Variants in MYO1E observed in about 807,000 individuals in gnomAD.
MYO1E encodes myosin IE, also known as unconventional myosin-Ie.
A neutral mutation model predicts 151.1 loss-of-function variants in MYO1E; 68 were observed. The ratio of observed to expected loss-of-function variants is 0.45; its 90% CI spans 0.37 to 0.55. The LOEUF is 0.55. Among genes scored for constraint, MYO1E ranks in the 20% least tolerant of loss-of-function variants. MYO1E has a pLI of 0.00. For missense variants in MYO1E, 1,363 were observed against 1,389.3 expected, an observed-to-expected ratio of 0.98 and a Z score of 0.30; for synonymous variants, 601 against 501.7, an observed-to-expected ratio of 1.20 and a Z score of -2.64.
chr15:59,260,233 C>A (rs1383529440), intron 3 of MYO1E, among the ~76,000 whole-genome samples: 1 of 152,254 alleles, frequency 6.6e-6, no homozygotes, highest in African/African-American at 2.4e-5. Flanking sequence ...GGACGCCAAG[C>A]CAGCTCTGTG....
chr15:59,237,392 T>C (rs1169356778), intron 4 of MYO1E, among the ~76,000 whole-genome samples: 1 of 152,232 alleles, frequency 6.6e-6, no homozygotes, highest in African/African-American at 2.4e-5. Context: ...GTAGCCTTCC[T>C]GCATGGGGAG....
chr15:59,319,550 C>CTTTTTTTTTTTTTT lies in MYO1E; in HGVS notation c.4-47115_4-47102dup, dbSNP rs59491381. 1.5e-3 allele frequency among the ~76,000 whole-genome samples: 95 copies of CTTTTTTTTTTTTTT among 63,694 alleles called. 4 individuals are homozygous for CTTTTTTTTTTTTTT. Among genetic ancestry groups the CTTTTTTTTTTTTTT allele is most frequent in the African/African-American group, 2.1e-3 (46 of 22,392 alleles). 41.8% of individuals were successfully genotyped at this position (63,694 alleles called of 152,430 possible). ...AAGATAGGAAAAGAAGTCAAACTAC[C>CTTTTTTTTTTTTTT]TTTTTTTTTTTTTTTTTTTTTTTTT... On this transcript the variant is annotated intron_variant, in intron 1 of 27. Transcript: ENST00000288235.
At chr15:59,200,683 T>C (rs1223646845) in intron 16 of MYO1E, among the ~76,000 whole-genome samples, 1 of 152,150 alleles carries the variant, frequency 6.6e-6, no homozygotes, top group South Asian at 2.1e-4. Flanking sequence ...AAGGGGCTAA[T>C]GGGAAAGAAT....
chr15:59,147,421 G>A (rs1426956118), intron 26 of MYO1E, among the ~76,000 whole-genome samples: 2 of 151,876 alleles, frequency 1.3e-5, no homozygotes, highest in African/African-American at 2.4e-5. Context: ...CCAACATGGC[G>A]AAACCCCGTC....
intron 16 of MYO1E, among the ~76,000 whole-genome samples, chr15:59,201,938 G>T (rs913291113): frequency 6.6e-6 from 1 of 152,140 alleles, no homozygotes; most frequent in Non-Finnish European, 1.5e-5. Flanking sequence ...GGCAAGTAAC[G>T]TTCCATAACT....
chr15:59,174,386 C>T (rs2079612623), intron 19 of MYO1E, 146 bp from the exon 20 acceptor site: 5 of 688,952 alleles, frequency 7.3e-6, no homozygotes, highest in South Asian at 1.6e-5. Flanking sequence ...ATATGTGAAA[C>T]GCTTACTGTG....
At chr15:59,308,506 T>C (rs1424327221) in intron 1 of MYO1E, among the ~76,000 whole-genome samples, 1 of 151,104 alleles carries the variant, frequency 6.6e-6, no homozygotes, top group African/African-American at 2.4e-5. Flanking sequence ...ACCCCGTCTC[T>C]ACTAAAAATA....
At chr15:59,218,892 A>G (rs1248568533) in intron 9 of MYO1E, among the ~76,000 whole-genome samples, 1 of 152,226 alleles carries the variant, frequency 6.6e-6, no homozygotes, top group African/African-American at 2.4e-5. Context: ...GAGACGGTCT[A>G]CAGTGTGTGG....
At chr15:59,279,167 C>T (rs900396096) in intron 1 of MYO1E, among the ~76,000 whole-genome samples, 5 of 152,120 alleles carry the variant, frequency 3.3e-5, no homozygotes, top group African/African-American at 1.2e-4. Context: ...CTTTTCTCTG[C>T]TCTTTCTGCG....
At chr15:59,305,965 A>G (rs1323803926) in intron 1 of MYO1E, among the ~76,000 whole-genome samples, 1 of 152,170 alleles carries the variant, frequency 6.6e-6, no homozygotes, top group Non-Finnish European at 1.5e-5. Flanking sequence ...CTGCAGAGCT[A>G]CACAGCAGCC....
At chr15:59,313,812 G>C (rs1350286402) in intron 1 of MYO1E, among the ~76,000 whole-genome samples, 1 of 152,324 alleles carries the variant, frequency 6.6e-6, no homozygotes, top group African/African-American at 2.4e-5. Flanking sequence ...AAGTTCCCTG[G>C]AAGTCTAAAA....
At position 59,209,818 on chromosome 15, in the gene MYO1E, T is replaced by A. The variant is rs1248412920; in HGVS notation, c.1362+696A>T. 5.6e-4 allele frequency among the ~76,000 whole-genome samples: 25 copies of A among 44,810 alleles called. 2 individuals are homozygous for A. The South Asian group carries it at 0.039, about 70-fold the overall frequency. 29.4% of individuals were successfully genotyped at this position (44,810 alleles called of 152,430 possible). A position where few individuals can be genotyped will look rare whatever the true frequency, so the allele number is the denominator to read the frequency against. On this transcript the variant is annotated intron_variant, in intron 13 of 27. Transcript: ENST00000288235. Reference sequence around the variant, plus strand: ...TATCACTTTTATTTTGAATCACCTTTTTTTTTTTTTTTTTTTTTTTTTTTT... The same window carrying A: ...TATCACTTTTATTTTGAATCACCTTATTTTTTTTTTTTTTTTTTTTTTTTT...
intron 1 of MYO1E, among the ~76,000 whole-genome samples, chr15:59,337,901 T>C (rs1163351504): frequency 6.6e-6 from 1 of 152,222 alleles, no homozygotes; most frequent in African/African-American, 2.4e-5. Flanking sequence ...TAGATATATC[T>C]TTACTCAATA....
rs904444106 is a variant in MYO1E, at chr15:59,272,355, T to C, written c.98A>G (p.Asn33Ser). ...DMVLLSKITE[N>S]SIVENLKKRY... ...CTTCTTCAGATTCTCCACGATGGAGTTCTCTGTGATCTTGGACAGTAGCAC... is the reference window on the plus strand; with the variant it reads ...CTTCTTCAGATTCTCCACGATGGAGCTCTCTGTGATCTTGGACAGTAGCAC... The change falls in exon 2 of 28, where the codon AAC becomes AGC. Residue 33 changes from asparagine (N) to serine (S), a missense_variant. Asn to Ser is a conservative substitution (Grantham distance 46). Coordinates refer to ENST00000288235, the MANE Select transcript of MYO1E (RefSeq NM_004998.4). 4.3e-6 allele frequency: 7 copies of C among 1,613,878 alleles called. No homozygotes were observed. The highest frequency in any genetic ancestry group is 5.9e-6 in the Non-Finnish European group (7 of 1,179,922).
intron 18 of MYO1E, among the ~76,000 whole-genome samples, chr15:59,179,015 C>T (rs919495532): frequency 1.3e-5 from 2 of 152,228 alleles, no homozygotes; most frequent in Non-Finnish European, 2.9e-5. Context: ...ATCTGGGTCA[C>T]GAGGCCCTTG....
intron 1 of MYO1E, among the ~76,000 whole-genome samples, chr15:59,331,446 G>A (rs149257978): frequency 1.3e-5 from 2 of 152,218 alleles, no homozygotes; most frequent in African/African-American, 4.8e-5. Context: ...AAACAACTGA[G>A]AACCAAGAAA....
rs769500621 is a variant in MYO1E at position 59,217,926 on chromosome 15, C to A, written c.1072G>T (p.Ala358Ser). The A allele has an allele frequency of 4.3e-6, 7 of 1,614,168 alleles. No individual in the cohort carries two copies. In the Admixed American group the frequency reaches 6.7e-5, roughly 15 times the overall value. ...ACYTRDALAK[A>S]LHARVFDFLV... The stretch of plus-strand genomic sequence containing the variant: ...AAATCAAAGACCCGGGCGTGCAGGG[C>A]CTTGGCGAGCGCATCCCGGGTGTAA... Residue 358 changes from alanine to serine, a missense_variant, in exon 10 of 28, where the codon GCC becomes TCC. Coordinates refer to ENST00000288235, the MANE Select transcript of MYO1E (RefSeq NM_004998.4).
intron 8 of MYO1E, 106 bp from the exon 9 acceptor site, chr15:59,223,297 G>T: frequency 4.4e-5 from 54 of 1,225,848 alleles, no homozygotes; most frequent in Non-Finnish European, 5.7e-5. Flanking sequence ...GATGTGACAA[G>T]TACAGACGAG....
intron 4 of MYO1E, among the ~76,000 whole-genome samples, chr15:59,248,615 GA>G (rs2080145430): frequency 6.6e-6 from 1 of 151,806 alleles, no homozygotes; most frequent in African/African-American, 2.4e-5. Context: ...TTCCTTACTA[GA>G]AGTTGGCCTA....
Sources: allele counts gnomAD v4.1 joint callset (sites outside exome capture counted in the v4.1 genomes callset), GRCh38; gene constraint gnomAD v4.1.1; transcripts MANE v1.5; gene names NCBI Gene and HGNC (gene_info 2026-07-23, HGNC 2026-07-21).